The following CARD14 variants were observed in gnomAD, a reference collection of about 807,000 sequenced individuals.
CARD14 encodes the protein caspase recruitment domain-containing protein 14.
Under a neutral mutation model 111.5 loss-of-function variants are expected in CARD14, and 107 were observed. That is an observed-to-expected ratio of 0.96 (90% confidence interval 0.82 to 1.13). The LOEUF is 1.13. Ranked by LOEUF, CARD14 falls within the 50% of genes most tolerant of loss-of-function variation. CARD14 has a pLI of 0.00. For missense variants in CARD14, 1,322 were observed against 1,362.3 expected (o/e 0.97, Z 0.47); for synonymous variants, 617 against 579.6 (o/e 1.06, Z -0.93).
At chr17:80,199,633 C>T (rs1307490351) in intron 16 of CARD14, among the ~76,000 whole-genome samples, 1 of 144,776 alleles carries the variant, frequency 6.9e-6, no homozygotes, top group Non-Finnish European at 1.5e-5. Context: ...AATCCCAGCA[C>T]TTTGGGAGGC....
chr17:80,205,756 G>A (rs1214977439), intron 22 of CARD14, 104 bp downstream of exon 22: 4 of 1,263,236 alleles, frequency 3.2e-6, no homozygotes, highest in East Asian at 5.4e-5. Flanking sequence ...CTGAGACCTG[G>A]GTGACCTTGT....
intron 4 of CARD14, among the ~76,000 whole-genome samples, chr17:80,180,487 A>T (rs1567867804): frequency 6.6e-6 from 1 of 152,136 alleles, no homozygotes; most frequent in African/African-American, 2.4e-5. Flanking sequence ...CATTTCCCTC[A>T]TGTGGAGTCC....
intron 7 of CARD14, chr17:80,187,787 C>A: frequency 1.0e-6 from 1 of 985,456 alleles, no homozygotes; most frequent in South Asian, 4.7e-5. Flanking sequence ...CTCCAAGTTT[C>A]TCTTGGGCTG....
chr17:80,199,561 C>CAAAAAAAAAAAAAAAAA (rs34737700), intron 16 of CARD14, among the ~76,000 whole-genome samples: 7 of 68,776 alleles, frequency 1.0e-4, no homozygotes, highest in Non-Finnish European at 1.3e-4. Context: ...AGCCTTGTCT[C>CAAAAAAAAAAAAAAAAA]AAAAAAAAAA....
rs1415666276 is a variant in CARD14, at chr17:80,204,351, G to T, written c.2398+10G>T. ...CCCAGCAGGATGGAGGGTGAGGCCT[G>T]GTGAGCTGGCACAGGGGCCACTGGC... On this transcript the variant is annotated intron_variant, in intron 20 of 23. Coordinates refer to ENST00000648509, the MANE Select transcript of CARD14 (RefSeq NM_001366385.1). 1 of 1,548,112 alleles carries T rather than the reference G, an allele frequency of 6.5e-7. No individual in the cohort carries two copies. The highest frequency in any genetic ancestry group is 2.4e-5 in the East Asian group (1 of 41,730).
In CARD14 at chr17:80,195,122, G is replaced by T; in HGVS notation, c.1357-69G>T. On this transcript the variant is annotated intron_variant, in intron 12 of 23. Coordinates refer to ENST00000648509, the MANE Select transcript of CARD14 (RefSeq NM_001366385.1). The surrounding 1 kb of genome is among the most constrained non-coding windows in gnomAD (Gnocchi z 4.7). The stretch of plus-strand genomic sequence containing the variant: ...TCACTGTGGCTCTCTCTACACCGTG[G>T]GGGAGCAAGGGAGGAGTCTCAGGGT... 1.3e-6 allele frequency: 2 copies of T among 1,524,460 alleles called. No individual in the cohort carries two copies. The highest frequency in any genetic ancestry group is 8.8e-7 in the Non-Finnish European group (1 of 1,130,420). 94.4% of individuals were successfully genotyped at this position (1,524,460 alleles called of 1,614,324 possible).
chr17:80,184,564 C>T (rs538111232), intron 7 of CARD14, among the ~76,000 whole-genome samples: 6 of 152,346 alleles, frequency 3.9e-5, no homozygotes, highest in South Asian at 2.1e-4. Context: ...TTTGTAGGGC[C>T]GCCTACGTCC....
At position 80,192,960 on chromosome 17, in the gene CARD14, G is replaced by T. The variant is rs540180763; in HGVS notation, c.1356+341G>T. Among the ~76,000 whole-genome samples the T allele has an allele frequency of 2.2e-4, 33 of 152,276 alleles. No individual in the cohort carries two copies. In the South Asian group the frequency reaches 6.6e-3, roughly 31 times the overall value. On this transcript the variant is annotated intron_variant, in intron 12 of 23. Coordinates refer to ENST00000648509, the MANE Select transcript of CARD14 (RefSeq NM_001366385.1). ...AGAGAGGGTTTCAACATGTTGGCCA[G>T]GCTGGTCTTGAACTCCTGACCTCAA...
chr17:80,198,680 C>A lies in CARD14; in HGVS notation c.1851+89C>A. The A allele has an allele frequency of 6.2e-7, 1 of 1,606,068 alleles. No homozygotes were observed. The highest frequency in any genetic ancestry group is 1.1e-5 in the South Asian group (1 of 90,700). ...GTGACCCAGGCAGACTTCACCTCCC[C>A]CAGACGATGCAGATCCACTCTGGGC... On this transcript the variant is annotated intron_variant, in intron 16 of 23. Coordinates refer to ENST00000648509, the MANE Select transcript of CARD14 (RefSeq NM_001366385.1). This position sits in a 1 kb window ranked among gnomAD's most constrained non-coding sequence, Gnocchi z 7.5.
chr17:80,193,149 C>A (rs982538625), intron 12 of CARD14, among the ~76,000 whole-genome samples: 1 of 152,112 alleles, frequency 6.6e-6, no homozygotes, highest in Non-Finnish European at 1.5e-5. Flanking sequence ...TCTGGAAATC[C>A]TATTCCCAAA....
At chr17:80,191,112 C>T (rs2040512591) in intron 10 of CARD14, among the ~76,000 whole-genome samples, 1 of 152,238 alleles carries the variant, frequency 6.6e-6, no homozygotes, top group Non-Finnish European at 1.5e-5. Context: ...ATTCCTGGTA[C>T]ATGACACTGA....
In CARD14 at chr17:80,207,032, C is replaced by T; in HGVS notation, c.2754C>T (p.Ile918=). ...TCTGCACCCTGCACAGGATGGACAT[C>T]TTCCCCATCGTCATCCACGTCTCTG... ...DSVCTLHRMD[I]FPIVIHVSVN... Residue 918 remains isoleucine, a synonymous_variant, in exon 23 of 24, where the codon ATC becomes ATT. Coordinates refer to ENST00000648509, the MANE Select transcript of CARD14 (RefSeq NM_001366385.1). 2 of 1,614,112 alleles carry T rather than the reference C, an allele frequency of 1.2e-6. No homozygotes were observed. The highest frequency in any genetic ancestry group is 1.7e-6 in the Non-Finnish European group (2 of 1,180,000).
intron 3 of CARD14, 98 bp downstream of exon 3, chr17:80,178,753 T>G (rs2040083644): frequency 6.6e-6 from 1 of 152,276 alleles, no homozygotes; most frequent in African/African-American, 2.4e-5. Flanking sequence ...TATTTTTATC[T>G]TTTAATTTTT....
At chr17:80,204,855 C>T (rs898998534) in intron 20 of CARD14, 180 bp from the exon 21 acceptor site, 33 of 570,352 alleles carry the variant, frequency 5.8e-5, no homozygotes, top group Middle Eastern at 4.6e-4. Context: ...GCAAAGGAGC[C>T]GCTCAGCCAG....
In CARD14 at chr17:80,190,811, A is replaced by G; in HGVS notation, c.1001A>G (p.Gln334Arg). ...AAGGAACAGACCCTGCTGCAGTTCCAGAAGAGTAAGATGGCCTGCCAACTC... is the reference window on the plus strand; with the variant it reads ...AAGGAACAGACCCTGCTGCAGTTCCGGAAGAGTAAGATGGCCTGCCAACTC... ...EEKEQTLLQF[Q>R]KSKMACQLYR... The change falls in exon 10 of 24, where the codon CAG (glutamine) becomes CGG (arginine). Residue 334 changes from glutamine to arginine, a missense_variant. Coordinates refer to ENST00000648509, the MANE Select transcript of CARD14 (RefSeq NM_001366385.1). The G allele has an allele frequency of 6.2e-7, 1 of 1,614,162 alleles. No individual in the cohort carries two copies. Among genetic ancestry groups the G allele is most frequent in the Non-Finnish European group, 8.5e-7 (1 of 1,180,040 alleles).
chr17:80,204,154 A>T (rs1042046146), intron 19 of CARD14, 73 bp from the exon 20 acceptor site: 1 of 1,441,242 alleles, frequency 6.9e-7, no homozygotes, highest in African/African-American at 1.4e-5. Context: ...AGTGCCAATC[A>T]TCTCCCCTGA....
In CARD14 at chr17:80,201,805, A is replaced by C. The variant is rs763051356; in HGVS notation, c.1913A>C (p.Glu638Ala). The C allele has an allele frequency of 1.2e-6, 2 of 1,613,684 alleles. No homozygotes were observed. The highest frequency in any genetic ancestry group is 1.7e-6 in the Non-Finnish European group (2 of 1,179,756). ...GTCCTGGAGGACACGACCCTGGAGG[A>C]GGCCGTGGGGCTTCTCAGGAGGGTG... is the stretch of plus-strand genomic sequence containing the variant. ...KAVLEDTTLEEAVGLLRRVDG... is the reference protein window; with the variant it reads ...KAVLEDTTLEAAVGLLRRVDG... The change falls in exon 17 of 24, where the codon GAG becomes GCG. Residue 638 changes from glutamate (E) to alanine (A), a missense_variant. Physicochemically the swap from Glu to Ala is moderately radical, Grantham distance 107. Transcript: ENST00000648509. This position sits in a 1 kb window ranked among gnomAD's most constrained non-coding sequence, Gnocchi z 5.0.
chr17:80,181,638 C>T lies in CARD14; in HGVS notation c.200C>T (p.Ala67Val), dbSNP rs1211279850. 6.5e-7 allele frequency: 1 copy of T among 1,548,216 alleles called. No homozygotes were observed. The highest frequency in any genetic ancestry group is 1.2e-5 in the South Asian group (1 of 83,990). ...CACAGCCCCCGGCTCACCAACAGCG[C>T]CATGCGGGCCGGTGAGCGCAGCTCC... Reference protein sequence around the residue: ...VLHSPRLTNSAMRAGHLLDLL... With the variant: ...VLHSPRLTNSVMRAGHLLDLL... The change falls in exon 5 of 24, where the codon GCC becomes GTC. Residue 67 changes from alanine to valine, a missense_variant. Physicochemically the swap from Ala to Val is moderately conservative, Grantham distance 64 (BLOSUM62 0). Coordinates refer to ENST00000648509, the MANE Select transcript of CARD14 (RefSeq NM_001366385.1).
chr17:80,198,762 A>T lies in CARD14; in HGVS notation c.1851+171A>T. The T allele has an allele frequency of 4.6e-6, 7 of 1,521,080 alleles. No homozygotes were observed. Among genetic ancestry groups the T allele is most frequent in the Non-Finnish European group, 6.2e-6 (7 of 1,137,458 alleles). The allele number at this position is 1,521,080 out of a possible 1,614,324, so 94.2% of individuals were successfully genotyped here. ...AGCGTTCTGCTCATTTATAGATGAG[A>T]GTCGTGCCGTGCAGAACCCAGCATG... On this transcript the variant is annotated intron_variant, in intron 16 of 23. Coordinates refer to ENST00000648509, the MANE Select transcript of CARD14 (RefSeq NM_001366385.1). The surrounding 1 kb of genome is among the most constrained non-coding windows in gnomAD (Gnocchi z 7.5).
Sources: gnomAD v4.1 joint callset for allele counts (sites outside exome capture counted in the v4.1 genomes callset) on GRCh38, gnomAD v4.1.1 for gene constraint, Gnocchi (gnomAD v3.1) non-coding constraint, MANE v1.5 for transcripts, NCBI Gene and HGNC (gene_info 2026-07-23, HGNC 2026-07-21) for gene names.